The following IQGAP2 variants were observed in gnomAD, a reference collection of about 807,000 sequenced individuals.
IQGAP2 encodes the protein ras GTPase-activating-like protein IQGAP2.
In IQGAP2, 173 loss-of-function variants were observed where a neutral mutation model predicts 201.3. That is an observed-to-expected ratio of 0.86 (90% CI 0.76 to 0.98). The LOEUF is 0.98. IQGAP2 is among the 50% of genes least tolerant of loss of function. IQGAP2 has a pLI of 0.00. For missense variants in IQGAP2, 1,687 were observed against 1,864.8 expected (o/e 0.90, Z 1.76); for synonymous variants, 675 against 673.9 (o/e 1.00, Z -0.03).
chr5:76,603,061 G>A (rs16873522), intron 11 of IQGAP2, among the ~76,000 whole-genome samples: 4,534 of 152,192 alleles, frequency 0.03, 209 homozygotes, highest in African/African-American at 0.1. Flanking sequence ...GTTCACATCC[G>A]AATTAAGAAC....
At chr5:76,612,444 G>A (rs1184489961) in intron 13 of IQGAP2, among the ~76,000 whole-genome samples, 1 of 151,824 alleles carries the variant, frequency 6.6e-6, no homozygotes, top group East Asian at 1.9e-4. Context: ...GCAGCGAGCT[G>A]AGATCGCACC....
chr5:76,518,424 G>A (rs36041872), intron 2 of IQGAP2, among the ~76,000 whole-genome samples: 39,214 of 151,966 alleles, frequency 0.26, 5,500 homozygotes, highest in Middle Eastern at 0.41. Context: ...ATCAGATCTC[G>A]TGAGACTTAT....
intron 2 of IQGAP2, among the ~76,000 whole-genome samples, chr5:76,481,999 A>G (rs900254871): frequency 3.9e-5 from 6 of 152,244 alleles, no homozygotes; most frequent in African/African-American, 1.4e-4. Context: ...GAATTTACCA[A>G]TGAGGTGCAC....
intron 28 of IQGAP2, among the ~76,000 whole-genome samples, chr5:76,681,845 A>T (rs1390958877): frequency 6.6e-6 from 1 of 152,228 alleles, no homozygotes; most frequent in African/African-American, 2.4e-5. Context: ...CTATCACTAG[A>T]TGAATGGATA....
At chr5:76,669,282 T>C (rs1158944405) in intron 23 of IQGAP2, among the ~76,000 whole-genome samples, 3 of 152,228 alleles carry the variant, frequency 2.0e-5, no homozygotes, top group Non-Finnish European at 4.4e-5. Flanking sequence ...GTAGCTATAA[T>C]GAGTGGGCTG....
At chr5:76,536,956 A>C (rs1759664215) in intron 2 of IQGAP2, among the ~76,000 whole-genome samples, 1 of 152,196 alleles carries the variant, frequency 6.6e-6, no homozygotes, top group Admixed American at 6.5e-5. Flanking sequence ...CACTGAGGGA[A>C]GAATAGTGGC....
chr5:76,571,411 T>A (rs777830666), intron 4 of IQGAP2, among the ~76,000 whole-genome samples: 2 of 152,164 alleles, frequency 1.3e-5, no homozygotes, highest in Admixed American at 6.5e-5. Flanking sequence ...CTCAGTCTCC[T>A]GAGCCCAAGC....
intron 5 of IQGAP2, among the ~76,000 whole-genome samples, chr5:76,579,781 T>C (rs911011077): frequency 3.3e-5 from 5 of 152,190 alleles, no homozygotes; most frequent in African/African-American, 9.7e-5. Context: ...ATCATGTTTC[T>C]AGTCCTGCCT....
At chr5:76,533,330 G>A (rs932474144) in intron 2 of IQGAP2, among the ~76,000 whole-genome samples, 7 of 152,070 alleles carry the variant, frequency 4.6e-5, no homozygotes, top group Non-Finnish European at 1.0e-4. Flanking sequence ...ACTCACCGAC[G>A]GGGTCTCAGG....
intron 13 of IQGAP2, chr5:76,617,714 G>T: frequency 6.2e-7 from 1 of 1,614,088 alleles, no homozygotes; most frequent in Non-Finnish European, 8.5e-7. Flanking sequence ...CATCAGTGTT[G>T]TTGTAGTAGT....
At chr5:76,461,026 CCCCCA>C (rs1754418975) in intron 1 of IQGAP2, among the ~76,000 whole-genome samples, 1 of 151,506 alleles carries the variant, frequency 6.6e-6, no homozygotes, top group South Asian at 2.1e-4. Flanking sequence ...CTACAGGTGC[CCCCCA>C]CCACACCTGG....
At chr5:76,671,212 G>T (rs577199287) in intron 23 of IQGAP2, among the ~76,000 whole-genome samples, 136 of 152,310 alleles carry the variant, frequency 8.9e-4, no homozygotes, top group Non-Finnish European at 1.3e-3. Flanking sequence ...AGTGAGCCAA[G>T]ATGGCGCTAC....
At chr5:76,409,212 C>G (rs902494404) in intron 1 of IQGAP2, among the ~76,000 whole-genome samples, 1 of 150,778 alleles carries the variant, frequency 6.6e-6, no homozygotes, top group Admixed American at 6.6e-5. Context: ...GAATTTTTTC[C>G]TCCCAAGAAA....
At chr5:76,472,565 C>T (rs1372785597) in intron 2 of IQGAP2, among the ~76,000 whole-genome samples, 1 of 152,158 alleles carries the variant, frequency 6.6e-6, no homozygotes, top group Non-Finnish European at 1.5e-5. Flanking sequence ...TTATCTGACT[C>T]AGCAGGACAC....
Position 76,676,447 on chromosome 5 carries a change from G to A in IQGAP2, c.3528-771G>A, listed in dbSNP as rs1744832646. Among the ~76,000 whole-genome samples the A allele has an allele frequency of 2.0e-5, 3 of 152,216 alleles. No homozygotes were observed. The South Asian group carries it at 6.2e-4, about 32-fold the overall frequency. On this transcript the variant is annotated intron_variant, in intron 27 of 35. Transcript: ENST00000274364. ...GTACATAAGACCCAGGTGCCTGTAG[G>A]AGAGATGCCGACAATGATTTCAGGC...
intron 12 of IQGAP2, among the ~76,000 whole-genome samples, chr5:76,610,106 ATATATATATTTTTTTT>A (rs1748212440): frequency 1.2e-4 from 2 of 17,204 alleles, no homozygotes; most frequent in African/African-American, 1.9e-4. Context: ...ATATATATAT[ATATATATATTTTTTTT>A]TTTTTTTTTT....
At chr5:76,617,860 C>A (rs1311924473) in intron 13 of IQGAP2, 10 of 1,613,888 alleles carry the variant, frequency 6.2e-6, no homozygotes, top group Non-Finnish European at 8.5e-6. Context: ...ATGATGGCTG[C>A]ATAGCAGTAG....
At chr5:76,490,987 CTTT>C (rs767214200) in intron 2 of IQGAP2, among the ~76,000 whole-genome samples, 6 of 112,998 alleles carry the variant, frequency 5.3e-5, no homozygotes, top group Non-Finnish European at 3.8e-5. Context: ...AGATTTTCAT[CTTT>C]TTTTTTTTTT....
chr5:76,670,556 G>C (rs1177078982), intron 23 of IQGAP2, among the ~76,000 whole-genome samples: 1 of 151,990 alleles, frequency 6.6e-6, no homozygotes, highest in Non-Finnish European at 1.5e-5. Context: ...GGTGGGAAGA[G>C]GAGCACAGCA....
Sources: gnomAD v4.1 joint callset for allele counts (sites outside exome capture counted in the v4.1 genomes callset) on GRCh38, gnomAD v4.1.1 for gene constraint, MANE v1.5 for transcripts, NCBI Gene and HGNC (gene_info 2026-07-23, HGNC 2026-07-21) for gene names.